BCAS3: variants seen among roughly 807,000 people sequenced by gnomAD.
BCAS3 encodes the protein BCAS3 microtubule associated cell migration factor.
A neutral mutation model predicts 116.1 loss-of-function variants in BCAS3; 53 were observed. That is an observed-to-expected ratio of 0.46 (90% CI 0.37 to 0.57). The LOEUF (loss-of-function observed/expected upper bound fraction) is 0.57. BCAS3 is among the 20% of genes least tolerant of loss of function. The probability of loss-of-function intolerance (pLI) is 0.00; values close to 1 mark genes in which losing one functional copy is unlikely to be tolerated. For missense variants in BCAS3, 917 were observed against 1,165.4 expected (o/e 0.79, Z 3.10); for synonymous variants, 391 against 408.2 (o/e 0.96, Z 0.51).
At chr17:60,731,920 A>G (rs1355754003) in intron 5 of BCAS3, among the ~76,000 whole-genome samples, 2 of 151,504 alleles carry the variant, frequency 1.3e-5, no homozygotes, top group African/African-American at 2.4e-5. Flanking sequence ...CTGGGATTAT[A>G]GGTGCTTGCT....
chr17:60,694,740 T>G (rs2035355084), intron 4 of BCAS3, among the ~76,000 whole-genome samples: 2 of 151,976 alleles, frequency 1.3e-5, no homozygotes, highest in Non-Finnish European at 2.9e-5. Flanking sequence ...TGTCCCAAAG[T>G]GCTGGGATTG....
At chr17:60,917,478 T>C (rs1406697244) in intron 12 of BCAS3, among the ~76,000 whole-genome samples, 1 of 152,238 alleles carries the variant, frequency 6.6e-6, no homozygotes, top group African/African-American at 2.4e-5. Flanking sequence ...TGTCGTAACA[T>C]ATATCAGAAT....
intron 22 of BCAS3, among the ~76,000 whole-genome samples, chr17:61,157,777 A>C (rs1421357895): frequency 6.6e-6 from 1 of 152,202 alleles, no homozygotes; most frequent in Non-Finnish European, 1.5e-5. Flanking sequence ...CGCTGGCCAC[A>C]AACGGACACT....
At chr17:60,841,738 C>T (rs879866338) in intron 7 of BCAS3, among the ~76,000 whole-genome samples, 9 of 151,842 alleles carry the variant, frequency 5.9e-5, no homozygotes, top group Admixed American at 1.3e-4. Flanking sequence ...GGTTCATTAC[C>T]TTAGGTCTTA....
chr17:60,848,840 CA>C (rs79372456), intron 7 of BCAS3, among the ~76,000 whole-genome samples: 5,181 of 118,492 alleles, frequency 0.044, 186 homozygotes, highest in East Asian at 0.11. Context: ...GCTGGGACTA[CA>C]AAAAAAAAAA....
intron 10 of BCAS3, 84 bp from the exon 11 acceptor site, chr17:60,902,536 A>G (rs1390183351): frequency 1.7e-6 from 2 of 1,145,062 alleles, no homozygotes; most frequent in Non-Finnish European, 2.6e-6. Flanking sequence ...CTGTTCACGG[A>G]AAATAAGCTC....
Position 60,874,672 on chromosome 17 carries a change from G to A in BCAS3, c.595G>A (p.Val199Ile), listed in dbSNP as rs751009642. The stretch of plus-strand genomic sequence containing the variant: ...TCTCTCTAATTTTAGGATCCTTGTC[G>A]TAGTCTTGCAGGAGAAAATTGCTGC... ...DLHCNKRILV[V>I]VLQEKIAAFD... The change falls in exon 9 of 24, where the codon GTA becomes ATA. Residue 199 changes from valine to isoleucine, a missense_variant. Transcript: ENST00000407086. 4.7e-5 allele frequency: 75 copies of A among 1,603,802 alleles called. No homozygotes were observed. The highest frequency in any genetic ancestry group is 2.2e-4 in the African/African-American group (16 of 74,110).
Position 61,117,109 on chromosome 17 carries a change from G to A in BCAS3, c.2425+32545G>A, listed in dbSNP as rs60365800. ...CCCACACCCTTTCTCCACTCCTTTC[G>A]GGCTTAAAGGGATAGAAATGCTACA... On this transcript the variant is annotated intron_variant, in intron 22 of 23. Coordinates refer to ENST00000407086, the MANE Select transcript of BCAS3 (RefSeq NM_017679.5). Among the ~76,000 whole-genome samples the A allele has an allele frequency of 2.3e-3, 355 of 151,934 alleles. 4 individuals carry two copies. The highest frequency in any genetic ancestry group is 0.01 in the Middle Eastern group (3 of 292).
Position 61,337,574 on chromosome 17 carries a change from A to G in BCAS3, c.2426-30753A>G, listed in dbSNP as rs1463426764. On this transcript the variant is annotated intron_variant, in intron 22 of 23. Transcript: ENST00000407086. The surrounding 1 kb of genome is among the most constrained non-coding windows in gnomAD (Gnocchi z 4.8). Reference sequence around the variant, plus strand: ...GGCTTCCCTCGCCTTTGATTTGCCAAATTCCATGTGAACAGCCTCTGCGTC... The same window carrying G: ...GGCTTCCCTCGCCTTTGATTTGCCAGATTCCATGTGAACAGCCTCTGCGTC... Among the ~76,000 whole-genome samples, 1 of 152,174 alleles carries G rather than the reference A, an allele frequency of 6.6e-6. No homozygotes were observed. Among genetic ancestry groups the G allele is most frequent in the Non-Finnish European group, 1.5e-5 (1 of 68,032 alleles).
chr17:61,019,483 A>G lies in BCAS3; in HGVS notation c.1637+3582A>G, dbSNP rs1249037233. On this transcript the variant is annotated intron_variant, in intron 16 of 23. Coordinates refer to ENST00000407086, the MANE Select transcript of BCAS3 (RefSeq NM_017679.5). This position sits in a 1 kb window ranked among gnomAD's most constrained non-coding sequence, Gnocchi z 5.6. The stretch of plus-strand genomic sequence containing the variant: ...AATCATAAAGTTTTCAGAATATAAT[A>G]TATGGTTTGATTATCTTAAAATTTA... Among the ~76,000 whole-genome samples, 2 of 152,108 alleles carry G rather than the reference A, an allele frequency of 1.3e-5. No individual in the cohort carries two copies. The highest frequency in any genetic ancestry group is 2.9e-5 in the Non-Finnish European group (2 of 68,032).
intron 22 of BCAS3, among the ~76,000 whole-genome samples, chr17:61,094,788 G>C (rs983974628): frequency 6.6e-6 from 1 of 152,116 alleles, no homozygotes; most frequent in Non-Finnish European, 1.5e-5. Flanking sequence ...AGGTTGCAGT[G>C]AGCCAAGATC....
At chr17:61,329,343 A>ATTTTTTTTTTTAT (rs1555831752) in intron 22 of BCAS3, among the ~76,000 whole-genome samples, 1 of 131,280 alleles carries the variant, frequency 7.6e-6, no homozygotes, top group African/African-American at 2.9e-5. Flanking sequence ...TATTATTATT[A>ATTTTTTTTTTTAT]TTTTTTTTTT....
chr17:61,032,495 A>G lies in BCAS3; in HGVS notation c.1638-2171A>G, dbSNP rs2066719172. Among the ~76,000 whole-genome samples the G allele has an allele frequency of 6.6e-6, 1 of 152,184 alleles. No homozygotes were observed. Among genetic ancestry groups the G allele is most frequent in the South Asian group, 2.1e-4 (1 of 4,832 alleles). On this transcript the variant is annotated intron_variant, in intron 16 of 23. Transcript: ENST00000407086. This position sits in a 1 kb window ranked among gnomAD's most constrained non-coding sequence, Gnocchi z 4.6. The stretch of plus-strand genomic sequence containing the variant: ...CCAGCTAGAGGAATTTGTCAGTTCA[A>G]TGATAGCAGTTTAGTGATGGAAATA...
chr17:61,342,302 C>G (rs901796546), intron 22 of BCAS3, among the ~76,000 whole-genome samples: 2 of 152,358 alleles, frequency 1.3e-5, no homozygotes, highest in Non-Finnish European at 2.9e-5. Context: ...AACGTCACTT[C>G]CCCACCTTGT....
intron 7 of BCAS3, among the ~76,000 whole-genome samples, chr17:60,866,436 A>G (rs1422955067): frequency 6.6e-6 from 1 of 152,086 alleles, no homozygotes; most frequent in East Asian, 1.9e-4. Context: ...GCTATTTGCT[A>G]ATATTTTCTT....
intron 22 of BCAS3, among the ~76,000 whole-genome samples, chr17:61,102,652 G>A (rs1202737263): frequency 6.6e-6 from 1 of 152,110 alleles, no homozygotes; most frequent in Non-Finnish European, 1.5e-5. Flanking sequence ...TGTAATGCAA[G>A]TGCATGAGCT....
chr17:60,876,957 AT>A (rs1297067599), intron 9 of BCAS3, among the ~76,000 whole-genome samples: 3 of 152,116 alleles, frequency 2.0e-5, no homozygotes, highest in Non-Finnish European at 2.9e-5. Context: ...CTAAAGATGA[AT>A]ACATTTATCA....
At chr17:60,935,657 A>T (rs1390986771) in intron 13 of BCAS3, among the ~76,000 whole-genome samples, 1 of 152,216 alleles carries the variant, frequency 6.6e-6, no homozygotes, top group East Asian at 1.9e-4. Flanking sequence ...AAAATGTGTT[A>T]ACTGATGTAC....
In BCAS3 at chr17:61,105,036, G is replaced by A. The variant is rs150655286; in HGVS notation, c.2425+20472G>A. Among the ~76,000 whole-genome samples, 12 of 152,278 alleles carry A rather than the reference G, an allele frequency of 7.9e-5. No individual in the cohort carries two copies. Among genetic ancestry groups the A allele is most frequent in the African/African-American group, 2.6e-4 (11 of 41,544 alleles). On this transcript the variant is annotated intron_variant, in intron 22 of 23. Coordinates refer to ENST00000407086, the MANE Select transcript of BCAS3 (RefSeq NM_017679.5). The surrounding 1 kb of genome is among the most constrained non-coding windows in gnomAD (Gnocchi z 4.3). ...GGTAACCTCCGTGGGTTTCCTCACT[G>A]CTGTTGGCTCAGCTGTGGCTTTTTA...
Sources: allele counts gnomAD v4.1 joint callset (sites outside exome capture counted in the v4.1 genomes callset), GRCh38; gene constraint gnomAD v4.1.1; non-coding constraint Gnocchi (gnomAD v3.1); transcripts MANE v1.5; gene names NCBI Gene and HGNC (gene_info 2026-07-23, HGNC 2026-07-21).